THRB: variants seen among roughly 807,000 people sequenced by gnomAD.
The protein encoded by THRB is thyroid hormone receptor beta.
A neutral mutation model predicts 47.8 loss-of-function variants in THRB; 12 were observed. The ratio of observed to expected loss-of-function variants is 0.25; its 90% confidence interval spans 0.16 to 0.41. THRB has a LOEUF of 0.41. Among genes scored for constraint, THRB ranks in the 10% least tolerant of loss-of-function variants. The pLI, the probability that THRB is intolerant of heterozygous loss-of-function variation, is 1.00. For missense variants in THRB, 348 were observed against 589.2 expected (o/e 0.59, Z 4.24); for synonymous variants, 218 against 212.2 (o/e 1.03, Z -0.24).
At chr3:24,130,351 C>T (rs537463181) in intron 9 of THRB, among the ~76,000 whole-genome samples, 1 of 152,248 alleles carries the variant, frequency 6.6e-6, no homozygotes, top group Non-Finnish European at 1.5e-5. Flanking sequence ...TGTGTTTGCT[C>T]CTGGTGGCGG....
chr3:24,485,710 A>T (rs2125915831), intron 1 of THRB, among the ~76,000 whole-genome samples: 1 of 152,140 alleles, frequency 6.6e-6, no homozygotes, highest in East Asian at 1.9e-4. Flanking sequence ...CAATTTCCCA[A>T]ATGCTTCATA....
chr3:24,429,904 A>T (rs1184765722), intron 1 of THRB, among the ~76,000 whole-genome samples: 1 of 152,122 alleles, frequency 6.6e-6, no homozygotes, highest in African/African-American at 2.4e-5. Flanking sequence ...TTGGGGAGAC[A>T]GGATGACAGC....
intron 3 of THRB, among the ~76,000 whole-genome samples, chr3:24,279,987 G>C (rs1006731206): frequency 6.6e-6 from 1 of 152,160 alleles, no homozygotes; most frequent in African/African-American, 2.4e-5. Flanking sequence ...GGGGTCCATA[G>C]ACTTCACCAG....
chr3:24,373,741 T>A (rs923793595), intron 1 of THRB, among the ~76,000 whole-genome samples: 5 of 152,134 alleles, frequency 3.3e-5, no homozygotes, highest in Admixed American at 2.0e-4. Flanking sequence ...TCCTTGTGGA[T>A]GAACTGTAAC....
chr3:24,152,550 T>C (rs749550911), intron 5 of THRB, 60 bp from the exon 6 acceptor site: 6 of 940,066 alleles, frequency 6.4e-6, no homozygotes, highest in Non-Finnish European at 8.7e-6. Context: ...AAAGAGACAC[T>C]ATAGCTAAGG....
intron 2 of THRB, among the ~76,000 whole-genome samples, chr3:24,305,573 A>C (rs1247944944): frequency 6.6e-6 from 1 of 152,244 alleles, no homozygotes. Flanking sequence ...TGCATACTGC[A>C]TTCTCATTAC....
chr3:24,171,971 A>C (rs2040497707), intron 5 of THRB, among the ~76,000 whole-genome samples: 1 of 152,202 alleles, frequency 6.6e-6, no homozygotes, highest in Admixed American at 6.5e-5. Context: ...TGATCTAAAG[A>C]GAAAACAATA....
Position 24,479,814 on chromosome 3 carries a change from G to A in THRB, c.-261+14838C>T, listed in dbSNP as rs149279291. The stretch of plus-strand genomic sequence containing the variant: ...TATACTCCCATGGCACCACTTCAGC[G>A]CCCACCACCTTGTCTTCTGACTGCC... On this transcript the variant is annotated intron_variant, in intron 1 of 10. Transcript: ENST00000646209. Among the ~76,000 whole-genome samples, 119 of 152,186 alleles carry A rather than the reference G, an allele frequency of 7.8e-4. 1 individual carries two copies. In the East Asian group the frequency reaches 0.021, roughly 27 times the overall value.
intron 4 of THRB, among the ~76,000 whole-genome samples, chr3:24,205,024 T>A (rs534929105): frequency 2.6e-5 from 4 of 152,296 alleles, no homozygotes; most frequent in African/African-American, 7.2e-5. Flanking sequence ...AATCTACATC[T>A]GATTGGTGTA....
In THRB at chr3:24,488,555, T is replaced by G. The variant is rs150759194; in HGVS notation, c.-261+6097A>C. The stretch of plus-strand genomic sequence containing the variant: ...TGATGAGTTGGACCATGAATTTGCC[T>G]TCTTTTTTTTTTTTTAATCTCTAAA... On this transcript the variant is annotated intron_variant, in intron 1 of 10. Coordinates refer to ENST00000646209, the MANE Select transcript of THRB (RefSeq NM_001354712.2). 9.6e-3 allele frequency among the ~76,000 whole-genome samples: 1,391 copies of G among 145,258 alleles called. 11 individuals are homozygous for G. The highest frequency in any genetic ancestry group is 0.029 in the South Asian group (134 of 4,646).
chr3:24,493,590 T>A (rs1698516687), intron 1 of THRB, among the ~76,000 whole-genome samples: 1 of 152,222 alleles, frequency 6.6e-6, no homozygotes. Context: ...TTACACAGTG[T>A]TTGAATCTTC....
chr3:24,203,156 G>A (rs1575828557), intron 4 of THRB, among the ~76,000 whole-genome samples: 2 of 152,168 alleles, frequency 1.3e-5, no homozygotes, highest in Non-Finnish European at 2.9e-5. Context: ...CTCATGCCTG[G>A]AATCCCAGCA....
At chr3:24,130,650 T>C (rs2148867625) in intron 9 of THRB, among the ~76,000 whole-genome samples, 1 of 152,168 alleles carries the variant, frequency 6.6e-6, no homozygotes, top group Admixed American at 6.5e-5. Flanking sequence ...CAGCCAGAAC[T>C]GGCAAGAGTG....
chr3:24,394,683 C>G (rs558757337), intron 1 of THRB, among the ~76,000 whole-genome samples: 2 of 152,216 alleles, frequency 1.3e-5, no homozygotes, highest in African/African-American at 4.8e-5. Context: ...TCAAATAGCA[C>G]CACAGCATTC....
intron 3 of THRB, among the ~76,000 whole-genome samples, chr3:24,233,595 G>GAAAGAAAGAAAGAAAGAT (rs2048533588): frequency 1.4e-5 from 2 of 143,852 alleles, no homozygotes; most frequent in Admixed American, 6.9e-5. Flanking sequence ...AAGAAAGAAA[G>GAAAGAAAGAAAGAAAGAT]AAAGAAAGAA....
intron 1 of THRB, among the ~76,000 whole-genome samples, chr3:24,361,338 G>A (rs2064049692): frequency 6.6e-6 from 1 of 152,110 alleles, no homozygotes; most frequent in Non-Finnish European, 1.5e-5. Flanking sequence ...GCTTAAAAAA[G>A]AGTCACCATA....
At chr3:24,481,124 T>C (rs1260839204) in intron 1 of THRB, among the ~76,000 whole-genome samples, 1 of 152,100 alleles carries the variant, frequency 6.6e-6, no homozygotes, top group Non-Finnish European at 1.5e-5. Flanking sequence ...AGGTTTCATC[T>C]TTGCAGAGAA....
chr3:24,170,431 A>G (rs977557936), intron 5 of THRB, among the ~76,000 whole-genome samples: 4 of 152,176 alleles, frequency 2.6e-5, no homozygotes, highest in Non-Finnish European at 4.4e-5. Flanking sequence ...GTGATGTTTT[A>G]CAGGCTGCAA....
intron 10 of THRB, among the ~76,000 whole-genome samples, chr3:24,126,360 A>AGTGGTGT (rs1243862842): frequency 6.6e-6 from 1 of 152,178 alleles, no homozygotes; most frequent in Non-Finnish European, 1.5e-5. Flanking sequence ...CAGCCTGGGC[A>AGTGGTGT]ACAGAGCAAG....
Sources: gnomAD v4.1 joint callset for allele counts (sites outside exome capture counted in the v4.1 genomes callset) on GRCh38, gnomAD v4.1.1 for gene constraint, MANE v1.5 for transcripts, NCBI Gene and HGNC (gene_info 2026-07-23, HGNC 2026-07-21) for gene names.